The following ADGRD1 variants were observed in gnomAD, a reference collection of about 807,000 sequenced individuals.
The protein encoded by ADGRD1 is adhesion G protein-coupled receptor D1.
Under a neutral mutation model 113.4 loss-of-function variants are expected in ADGRD1, and 77 were observed. The ratio of observed to expected loss-of-function variants is 0.68; its 90% CI spans 0.57 to 0.82. The LOEUF (loss-of-function observed/expected upper bound fraction) is 0.82, where lower values mean the gene tolerates loss of function less well. Ranked by LOEUF, ADGRD1 falls within the 40% of genes least tolerant of loss-of-function variation. The pLI is 0.00. For synonymous variants in ADGRD1, 474 were observed against 475.0 expected, an observed-to-expected ratio of 1.00 and a Z score of 0.03; for missense variants, 1,036 against 1,139.1, an observed-to-expected ratio of 0.91 and a Z score of 1.30.
intron 13 of ADGRD1, among the ~76,000 whole-genome samples, chr12:131,043,135 G>A (rs1882313018): frequency 6.6e-6 from 1 of 152,198 alleles, no homozygotes; most frequent in Admixed American, 6.5e-5. Context: ...GGTGGGGTTG[G>A]GAGCGAGACA....
At chr12:131,130,092 C>T (rs1233333593) in intron 20 of ADGRD1, among the ~76,000 whole-genome samples, 1 of 152,270 alleles carries the variant, frequency 6.6e-6, no homozygotes, top group Non-Finnish European at 1.5e-5. Context: ...CTTGCTGCTC[C>T]TAGTTGAGTG....
At chr12:131,106,132 G>A (rs1950232460) in intron 17 of ADGRD1, among the ~76,000 whole-genome samples, 1 of 152,068 alleles carries the variant, frequency 6.6e-6, no homozygotes, top group African/African-American at 2.4e-5. Context: ...CCATGACAAG[G>A]GCTTGCATCT....
At chr12:131,126,253 T>C (rs1423256291) in intron 20 of ADGRD1, among the ~76,000 whole-genome samples, 1 of 152,160 alleles carries the variant, frequency 6.6e-6, no homozygotes, top group Admixed American at 6.5e-5. Flanking sequence ...CGAGTGGGTT[T>C]CTGATGAAAA....
At chr12:130,995,536 G>A (rs1875141609) in intron 8 of ADGRD1, among the ~76,000 whole-genome samples, 1 of 152,228 alleles carries the variant, frequency 6.6e-6, no homozygotes, top group African/African-American at 2.4e-5. Flanking sequence ...GGGCCAGACA[G>A]AGCAACAGTG....
intron 15 of ADGRD1, among the ~76,000 whole-genome samples, chr12:131,090,277 GAAACCA>G (rs1417546198): frequency 6.6e-6 from 1 of 152,170 alleles, no homozygotes; most frequent in Non-Finnish European, 1.5e-5. Flanking sequence ...ATCATAAGTA[GAAACCA>G]AATTTGCAGC....
chr12:131,009,326 GAGA>G (rs1279691883), intron 12 of ADGRD1, among the ~76,000 whole-genome samples: 2 of 152,262 alleles, frequency 1.3e-5, no homozygotes, highest in Admixed American at 6.5e-5. Flanking sequence ...GATTGCAAGG[GAGA>G]AGAAGTTGGG....
At chr12:131,011,879 T>A (rs1329790006) in intron 12 of ADGRD1, among the ~76,000 whole-genome samples, 1 of 152,100 alleles carries the variant, frequency 6.6e-6, no homozygotes, top group Non-Finnish European at 1.5e-5. Context: ...ACACCACACG[T>A]CTTAGGGCCT....
chr12:130,985,046 T>C (rs1229627191), intron 5 of ADGRD1, among the ~76,000 whole-genome samples: 3 of 151,888 alleles, frequency 2.0e-5, no homozygotes, highest in East Asian at 1.9e-4. Context: ...GTGATCCTCC[T>C]ACCTCAGTTG....
chr12:131,123,374 A>C (rs982461546), intron 20 of ADGRD1, among the ~76,000 whole-genome samples: 2 of 151,820 alleles, frequency 1.3e-5, no homozygotes, highest in African/African-American at 4.8e-5. Context: ...TTCCTGTCTA[A>C]GCTCCACCTC....
At chr12:131,073,128 C>T (rs1000209969) in intron 13 of ADGRD1, among the ~76,000 whole-genome samples, 3 of 152,234 alleles carry the variant, frequency 2.0e-5, no homozygotes, top group Non-Finnish European at 4.4e-5. Context: ...CTGCCCACCT[C>T]CCACCTTTTT....
chr12:130,984,895 T>TTCTCTC lies in ADGRD1; in HGVS notation c.491-2191_491-2186dup. On this transcript the variant is annotated intron_variant, in intron 5 of 24. Transcript: ENST00000261654. This position sits in a 1 kb window ranked among gnomAD's most constrained non-coding sequence, Gnocchi z 4.1. Reference sequence around the variant, plus strand: ...CTTCTTTCCTTCCTTCTTTCTTCTCTTCTCTCTCTCTCTCACTCTCTCTCT... The same window carrying TTCTCTC: ...CTTCTTTCCTTCCTTCTTTCTTCTCTTCTCTCTCTCTCTCTCTCTCACTCTCTCTCT... Among the ~76,000 whole-genome samples, 1 of 147,442 alleles carries TTCTCTC rather than the reference T, an allele frequency of 6.8e-6. No homozygotes were observed. The highest frequency in any genetic ancestry group is 2.5e-5 in the African/African-American group (1 of 40,374).
chr12:131,002,807 C>A, intron 9 of ADGRD1: 1 of 1,232,564 alleles, frequency 8.1e-7, no homozygotes, highest in Non-Finnish European at 1.0e-6. Context: ...GACCTGGGGG[C>A]GATCAGCCCC....
Position 131,120,485 on chromosome 12 carries a change from G to A in ADGRD1, c.2109-362G>A, listed in dbSNP as rs568195270. On this transcript the variant is annotated intron_variant, in intron 19 of 24. Coordinates refer to ENST00000261654, the MANE Select transcript of ADGRD1 (RefSeq NM_198827.5). ...AATGGTCAGGTGCTGCATCGCTGAC[G>A]ACTCATCAGGATGGGAATCCCTCAC... Among the ~76,000 whole-genome samples, 101 of 152,260 alleles carry A rather than the reference G, an allele frequency of 6.6e-4. 2 individuals are homozygous for A. Among genetic ancestry groups the A allele is most frequent in the African/African-American group, 2.3e-3 (96 of 41,552 alleles).
chr12:130,991,045 A>G lies in ADGRD1; in HGVS notation c.777A>G (p.Pro259=), dbSNP rs56190445. The part of the protein sequence containing the change: ...GKHALLSSTL[P]SLFMTSTASP... ...ATGCTTTATTGTCTTCAACGCTGCCAAGCCTCTTCATGACATCCACAGCAA... is the reference window on the plus strand; with the variant it reads ...ATGCTTTATTGTCTTCAACGCTGCCGAGCCTCTTCATGACATCCACAGCAA... Residue 259 remains proline (P), a synonymous_variant, in exon 7 of 25, where the codon CCA becomes CCG. Coordinates refer to ENST00000261654, the MANE Select transcript of ADGRD1 (RefSeq NM_198827.5). The G allele has an allele frequency of 1.0e-3, 1,627 of 1,614,076 alleles. 10 individuals carry two copies. The African/African-American group carries it at 0.017, about 17-fold the overall frequency.
chr12:131,117,202 A>G (rs577029987), intron 18 of ADGRD1, among the ~76,000 whole-genome samples: 5 of 152,156 alleles, frequency 3.3e-5, no homozygotes, highest in African/African-American at 9.7e-5. Flanking sequence ...GATGCTTTCT[A>G]CCTCATTCGT....
In ADGRD1 at chr12:131,084,060, G is replaced by C. The variant is rs1010435603; in HGVS notation, c.1548-480G>C. ...CAAGGATGTTCTTTTTAACCGATGC[G>C]AGGTCTTTTATCATATTTCTCTCTC... On this transcript the variant is annotated intron_variant, in intron 14 of 24. Transcript: ENST00000261654. This position sits in a 1 kb window ranked among gnomAD's most constrained non-coding sequence, Gnocchi z 4.5. Among the ~76,000 whole-genome samples, 18 of 152,170 alleles carry C rather than the reference G, an allele frequency of 1.2e-4. No homozygotes were observed. The highest frequency in any genetic ancestry group is 2.4e-4 in the Non-Finnish European group (16 of 68,032).
intron 13 of ADGRD1, chr12:131,070,952 G>A (rs2137134283): frequency 3.9e-6 from 2 of 518,948 alleles, no homozygotes; most frequent in South Asian, 2.8e-5. Flanking sequence ...CTGAGAAGGG[G>A]CTGTGGGCTG....
At chr12:131,079,917 T>G (rs1885937154) in intron 14 of ADGRD1, among the ~76,000 whole-genome samples, 1 of 152,158 alleles carries the variant, frequency 6.6e-6, no homozygotes, top group Non-Finnish European at 1.5e-5. Flanking sequence ...TTTCCAAAGA[T>G]ATAACTTTTG....
intron 9 of ADGRD1, among the ~76,000 whole-genome samples, chr12:131,001,318 CAAAT>C (rs1246195096): frequency 6.6e-6 from 1 of 151,906 alleles, no homozygotes; most frequent in Admixed American, 6.6e-5. Flanking sequence ...AAAAAGAAAA[CAAAT>C]AAATAGTTGT....
Sources: gnomAD v4.1 joint callset for allele counts (sites outside exome capture counted in the v4.1 genomes callset) on GRCh38, gnomAD v4.1.1 for gene constraint, Gnocchi (gnomAD v3.1) non-coding constraint, MANE v1.5 for transcripts, NCBI Gene and HGNC (gene_info 2026-07-23, HGNC 2026-07-21) for gene names.